STARD9: variants seen among roughly 807,000 people sequenced by gnomAD.
The protein encoded by STARD9 is stAR-related lipid transfer protein 9.
In STARD9, 346 loss-of-function variants were observed where a neutral mutation model predicts 399.8. The observed-to-expected ratio is 0.87, with a 90% CI of 0.79 to 0.95. STARD9 has a LOEUF of 0.95. Ranked by LOEUF, STARD9 falls within the 40% of genes least tolerant of loss-of-function variation. The probability of loss-of-function intolerance (pLI) is 0.00; values close to 1 mark genes in which losing one functional copy is unlikely to be tolerated. For missense variants in STARD9, 5,832 were observed against 5,667.5 expected, an observed-to-expected ratio of 1.03 and a Z score of -0.93; for synonymous variants, 2,203 against 2,143.5, an observed-to-expected ratio of 1.03 and a Z score of -0.77.
intron 3 of STARD9, among the ~76,000 whole-genome samples, chr15:42,618,802 G>A: frequency 6.6e-6 from 1 of 151,948 alleles, no homozygotes; most frequent in South Asian, 2.1e-4. Context: ...TCACCATCTT[G>A]ACCTTGTGAT....
At chr15:42,719,400 C>T in intron 32 of STARD9, 73 bp from the exon 33 acceptor site, 1 of 988,328 alleles carries the variant, frequency 1.0e-6, no homozygotes, top group Non-Finnish European at 1.5e-6. Flanking sequence ...TGAGGGGACT[C>T]CATGGGACTG....
intron 3 of STARD9, among the ~76,000 whole-genome samples, chr15:42,621,167 C>T (rs1433331855): frequency 6.6e-6 from 1 of 151,948 alleles, no homozygotes; most frequent in Non-Finnish European, 1.5e-5. Context: ...GTGGTGTCTG[C>T]CAGATTTTTT....
Position 42,669,352 on chromosome 15 carries a change from G to T in STARD9, c.1497+15G>T, listed in dbSNP as rs1165879779. ...ATCATCTCAAGGTGAGGAGGCTAGT[G>T]TATCCTTTTCTTCCTAAGCCACTGG... On this transcript the variant is annotated intron_variant, in intron 16 of 32. Coordinates refer to ENST00000290607, the MANE Select transcript of STARD9 (RefSeq NM_020759.3). 2.0e-6 allele frequency: 3 copies of T among 1,500,360 alleles called. No individual in the cohort carries two copies. In the Admixed American group the frequency reaches 6.0e-5, roughly 30 times the overall value. 92.9% of individuals were successfully genotyped at this position (1,500,360 alleles called of 1,614,324 possible). A position where few individuals can be genotyped will look rare whatever the true frequency, so the allele number is the denominator to read the frequency against.
At chr15:42,713,011 T>A (rs1473421213) in intron 26 of STARD9, among the ~76,000 whole-genome samples, 1 of 152,248 alleles carries the variant, frequency 6.6e-6, no homozygotes, top group Non-Finnish European at 1.5e-5. Context: ...TTCATTGGGA[T>A]TACTTTGATG....
intron 9 of STARD9, among the ~76,000 whole-genome samples, chr15:42,655,782 T>C (rs756943396): frequency 2.0e-5 from 3 of 152,044 alleles, no homozygotes; most frequent in Admixed American, 6.6e-5. Context: ...AAAGAAATAA[T>C]CAGCAAACAG....
intron 7 of STARD9, among the ~76,000 whole-genome samples, chr15:42,639,839 G>A (rs975942382): frequency 6.0e-5 from 9 of 151,048 alleles, no homozygotes; most frequent in Non-Finnish European, 8.8e-5. Flanking sequence ...ACTCCAGCCT[G>A]TGCGACAGAG....
chr15:42,602,755 C>T (rs1008097895), intron 3 of STARD9, among the ~76,000 whole-genome samples: 9 of 152,202 alleles, frequency 5.9e-5, no homozygotes, highest in Admixed American at 4.6e-4. Context: ...GAAGAAGACT[C>T]GGCCAGCAAT....
intron 3 of STARD9, among the ~76,000 whole-genome samples, chr15:42,601,487 G>A (rs1275017613): frequency 1.3e-5 from 2 of 150,358 alleles, no homozygotes; most frequent in African/African-American, 2.5e-5. Context: ...GCGGCCGGGC[G>A]GGGGCTGCCC....
At chr15:42,662,401 TAAAA>T (rs1308875274) in intron 10 of STARD9, among the ~76,000 whole-genome samples, 4 of 152,142 alleles carry the variant, frequency 2.6e-5, no homozygotes, top group African/African-American at 7.2e-5. Context: ...CCCATTTACT[TAAAA>T]AAGAAATTCA....
intron 3 of STARD9, among the ~76,000 whole-genome samples, chr15:42,598,526 G>T (rs1001456084): frequency 2.0e-5 from 3 of 151,704 alleles, no homozygotes; most frequent in Admixed American, 6.6e-5. Context: ...AAAAAATGAG[G>T]TAGGGCTTCA....
chr15:42,594,645 T>C (rs1355603511), intron 3 of STARD9, among the ~76,000 whole-genome samples: 1 of 152,198 alleles, frequency 6.6e-6, no homozygotes, highest in Non-Finnish European at 1.5e-5. Context: ...TTTTTTTGTT[T>C]GTTTGTTTTC....
chr15:42,672,070 A>C (rs1282324360), intron 16 of STARD9: 2 of 152,180 alleles, frequency 1.3e-5, no homozygotes, highest in East Asian at 3.8e-4. Flanking sequence ...CATTTTATGT[A>C]CTTTCCCCAC....
At chr15:42,645,248 A>G (rs772824573) in intron 7 of STARD9, among the ~76,000 whole-genome samples, 4 of 152,216 alleles carry the variant, frequency 2.6e-5, no homozygotes, top group Non-Finnish European at 5.9e-5. Context: ...TGTGACAACT[A>G]TAGCTTTATG....
chr15:42,597,431 G>A (rs975617422), intron 3 of STARD9, among the ~76,000 whole-genome samples: 3 of 151,946 alleles, frequency 2.0e-5, no homozygotes, highest in African/African-American at 7.3e-5. Context: ...GCAGTGGTGC[G>A]GTCTCAGCTC....
At chr15:42,616,232 A>G (rs1447175428) in intron 3 of STARD9, among the ~76,000 whole-genome samples, 1 of 152,248 alleles carries the variant, frequency 6.6e-6, no homozygotes, top group African/African-American at 2.4e-5. Context: ...TTATGTGCAA[A>G]TGAAAGGTTA....
At chr15:42,699,551 G>A (rs1276617121) in intron 26 of STARD9, among the ~76,000 whole-genome samples, 9 of 148,884 alleles carry the variant, frequency 6.0e-5, no homozygotes, top group Admixed American at 2.7e-4. Flanking sequence ...CCGCCACCAC[G>A]CCCAGCTAAT....
chr15:42,643,998 A>G (rs951986509), intron 7 of STARD9, among the ~76,000 whole-genome samples: 3 of 152,330 alleles, frequency 2.0e-5, no homozygotes, highest in South Asian at 2.1e-4. Flanking sequence ...TTCAGAGAAC[A>G]TGCTCCACAT....
chr15:42,691,634 AC>A lies in STARD9; in HGVS notation c.10057del (p.Gln3353ArgfsTer48). 6.5e-7 allele frequency: 1 copy of A among 1,537,256 alleles called. No individual in the cohort carries two copies. The highest frequency in any genetic ancestry group is 8.7e-7 in the Non-Finnish European group (1 of 1,146,906). On this transcript the variant is annotated frameshift_variant, in exon 23 of 33. Coordinates refer to ENST00000290607, the MANE Select transcript of STARD9 (RefSeq NM_020759.3). LOFTEE classifies it high-confidence loss of function. ...EPPSPTDEDT[Q>X]GPNRLWNPHL... ...CTCCTTCCCCTACAGACGAAGATAC[AC>A]AGGGGCCTAACAGATTGTGGAACCC...
rs531248809 is a variant in STARD9 at position 42,681,902 on chromosome 15, C to T, written c.2066-202C>T. Reference sequence around the variant, plus strand: ...CGCCTGCCCTAGCACGTGCCCACTGCTGTGCTGAGTCCTGAGGGTCTTCAT... The same window carrying T: ...CGCCTGCCCTAGCACGTGCCCACTGTTGTGCTGAGTCCTGAGGGTCTTCAT... On this transcript the variant is annotated intron_variant, in intron 21 of 32. Coordinates refer to ENST00000290607, the MANE Select transcript of STARD9 (RefSeq NM_020759.3). 4.6e-5 allele frequency among the ~76,000 whole-genome samples: 7 copies of T among 152,236 alleles called. No homozygotes were observed. The East Asian group carries it at 7.7e-4, about 17-fold the overall frequency.
Sources: gnomAD v4.1 joint callset for allele counts (sites outside exome capture counted in the v4.1 genomes callset) on GRCh38, gnomAD v4.1.1 for gene constraint, MANE v1.5 for transcripts, NCBI Gene and HGNC (gene_info 2026-07-23, HGNC 2026-07-21) for gene names.